The following NAALADL2 variants were observed in gnomAD, a reference collection of about 807,000 sequenced individuals.
NAALADL2 encodes inactive N-acetylated-alpha-linked acidic dipeptidase-like protein 2.
A neutral mutation model predicts 87.2 loss-of-function variants in NAALADL2; 76 were observed. The observed-to-expected ratio is 0.87, with a 90% confidence interval of 0.72 to 1.05. The LOEUF is 1.05. Among genes scored for constraint, NAALADL2 ranks in the 50% least tolerant of loss-of-function variants. The pLI is 0.00. For synonymous variants in NAALADL2, 354 were observed against 331.0 expected, an observed-to-expected ratio of 1.07 and a Z score of -0.75; for missense variants, 1,089 against 945.8, an observed-to-expected ratio of 1.15 and a Z score of -1.99.
At chr3:175,246,295 A>G (rs1422722737) in intron 3 of NAALADL2, among the ~76,000 whole-genome samples, 1 of 152,158 alleles carries the variant, frequency 6.6e-6, no homozygotes, top group Non-Finnish European at 1.5e-5. Context: ...TTTTTAGGTG[A>G]GCAATACTTG....
chr3:175,217,769 G>T (rs1470724394), intron 2 of NAALADL2, among the ~76,000 whole-genome samples: 1 of 152,182 alleles, frequency 6.6e-6, no homozygotes, highest in African/African-American at 2.4e-5. Context: ...AGCTTAAGAA[G>T]CCAAACAAGG....
At chr3:174,479,102 T>C (rs565693150) in intron 1 of NAALADL2, among the ~76,000 whole-genome samples, 2 of 152,206 alleles carry the variant, frequency 1.3e-5, no homozygotes, top group Non-Finnish European at 2.9e-5. Flanking sequence ...TATAAAGATA[T>C]TTATACTAAG....
At chr3:175,665,787 T>A (rs905623949) in intron 11 of NAALADL2, among the ~76,000 whole-genome samples, 7 of 151,946 alleles carry the variant, frequency 4.6e-5, no homozygotes, top group Non-Finnish European at 1.5e-5. Flanking sequence ...AAAAATTAGC[T>A]GGACGTGGTG....
intron 5 of NAALADL2, among the ~76,000 whole-genome samples, chr3:175,401,500 G>T (rs1447347981): frequency 6.6e-6 from 1 of 152,100 alleles, no homozygotes. Context: ...AGGCAATTTA[G>T]TCATTGTGTA....
intron 5 of NAALADL2, among the ~76,000 whole-genome samples, chr3:175,416,842 A>C (rs1714720340): frequency 6.6e-6 from 1 of 152,036 alleles, no homozygotes; most frequent in Non-Finnish European, 1.5e-5. Context: ...CAATTCTATG[A>C]TACGTGAATG....
chr3:175,483,064 A>T (rs1464803444), intron 9 of NAALADL2, among the ~76,000 whole-genome samples: 1 of 151,968 alleles, frequency 6.6e-6, no homozygotes, highest in Non-Finnish European at 1.5e-5. Context: ...CAAAATCACT[A>T]CTTGAGAAAT....
intron 1 of NAALADL2, among the ~76,000 whole-genome samples, chr3:175,048,878 T>G (rs78569352): frequency 0.012 from 1,769 of 152,266 alleles, 28 homozygotes; most frequent in African/African-American, 0.04. Flanking sequence ...TATGGTGGCC[T>G]GAAAGCTGCA....
At chr3:175,642,103 C>T (rs900168248) in intron 11 of NAALADL2, among the ~76,000 whole-genome samples, 5 of 152,164 alleles carry the variant, frequency 3.3e-5, no homozygotes, top group Non-Finnish European at 7.4e-5. Context: ...CAATCACCAT[C>T]CCAAATCTTT....
At position 175,106,518 on chromosome 3, in the gene NAALADL2, A is replaced by T. The variant is rs940227749; in HGVS notation, c.545+9227A>T. Among the ~76,000 whole-genome samples the T allele has an allele frequency of 7.2e-5, 11 of 152,124 alleles. No individual in the cohort carries two copies. The East Asian group carries it at 1.9e-3, about 27-fold the overall frequency. On this transcript the variant is annotated intron_variant, in intron 2 of 13. Transcript: ENST00000454872. The stretch of plus-strand genomic sequence containing the variant: ...TTCGTTCCAAAAAAGGAACAGGATC[A>T]GTCAGTTGTAGTACAAGGGAATAAC...
intron 11 of NAALADL2, among the ~76,000 whole-genome samples, chr3:175,679,181 A>G (rs1362077594): frequency 1.3e-5 from 2 of 151,968 alleles, no homozygotes; most frequent in African/African-American, 2.4e-5. Flanking sequence ...CAGTTACTTC[A>G]GGCCATCTGG....
chr3:175,526,062 C>T (rs1180946093), intron 9 of NAALADL2, among the ~76,000 whole-genome samples: 1 of 152,282 alleles, frequency 6.6e-6, no homozygotes, highest in Non-Finnish European at 1.5e-5. Flanking sequence ...CTACAATTCG[C>T]AACCAGTATC....
intron 1 of NAALADL2, among the ~76,000 whole-genome samples, chr3:174,898,112 CAAA>C (rs913382744): frequency 0.024 from 340 of 14,394 alleles, no homozygotes; most frequent in African/African-American, 0.09. Context: ...GACTCCGTCT[CAAA>C]AAAAAAAAAA....
chr3:174,517,440 G>A (rs1486867417), intron 1 of NAALADL2, among the ~76,000 whole-genome samples: 1 of 151,878 alleles, frequency 6.6e-6, no homozygotes. Context: ...ATACTTTTCT[G>A]GTAAGGTAAT....
At chr3:174,712,147 A>G (rs1273871008) in intron 2 of NAALADL2, among the ~76,000 whole-genome samples, 3 of 152,114 alleles carry the variant, frequency 2.0e-5, no homozygotes, top group African/African-American at 7.2e-5. Flanking sequence ...GTCCCCAAAC[A>G]TAAACTCATT....
At chr3:174,576,898 C>CCAGA (rs1210491431) in intron 2 of NAALADL2, among the ~76,000 whole-genome samples, 1 of 152,086 alleles carries the variant, frequency 6.6e-6, no homozygotes, top group African/African-American at 2.4e-5. Flanking sequence ...TTATACACTT[C>CCAGA]TTAATCTGGA....
intron 1 of NAALADL2, among the ~76,000 whole-genome samples, chr3:174,488,828 C>G (rs893442880): frequency 6.6e-6 from 1 of 151,424 alleles, no homozygotes; most frequent in African/African-American, 2.4e-5. Flanking sequence ...CCACAGACAC[C>G]CCCCCTAACC....
At chr3:174,904,745 GTTGTTCTCATAC>G (rs1381480219) in intron 1 of NAALADL2, among the ~76,000 whole-genome samples, 1 of 151,712 alleles carries the variant, frequency 6.6e-6, no homozygotes, top group Non-Finnish European at 1.5e-5. Context: ...ATTTTATTTT[GTTGTTCTCATAC>G]TCTTTATAGC....
At chr3:174,562,670 T>C (rs992817601) in intron 2 of NAALADL2, among the ~76,000 whole-genome samples, 2 of 152,096 alleles carry the variant, frequency 1.3e-5, no homozygotes, top group South Asian at 4.1e-4. Context: ...TTGTAGTCTA[T>C]GTAAATATTG....
At chr3:175,686,098 A>G (rs948449070) in intron 11 of NAALADL2, among the ~76,000 whole-genome samples, 8 of 152,150 alleles carry the variant, frequency 5.3e-5, no homozygotes, top group African/African-American at 1.7e-4. Flanking sequence ...TAAATGTCTA[A>G]TGGTTCCTCA....
Sources: gnomAD v4.1 joint callset for allele counts (sites outside exome capture counted in the v4.1 genomes callset) on GRCh38, gnomAD v4.1.1 for gene constraint, MANE v1.5 for transcripts, NCBI Gene and HGNC (gene_info 2026-07-23, HGNC 2026-07-21) for gene names.